The following SATL1 variants were observed in gnomAD, a reference collection of about 807,000 sequenced individuals.
SATL1 encodes the protein spermidine/spermine N(1)-acetyltransferase-like protein 1.
SATL1 carries 47 observed loss-of-function variants against 51.8 expected under a neutral mutation model. The observed-to-expected ratio is 0.91, with a 90% confidence interval of 0.72 to 1.16. SATL1 has a LOEUF of 1.16. SATL1 is among the 50% of genes most tolerant of loss of function. SATL1 has a pLI of 0.00. For synonymous variants in SATL1, 176 were observed against 182.4 expected, an observed-to-expected ratio of 0.97 and a Z score of 0.28; for missense variants, 520 against 526.4, an observed-to-expected ratio of 0.99 and a Z score of 0.12.
intron 2 of SATL1, among the ~76,000 whole-genome samples, chrX:85,191,028 T>A (rs988949096): frequency 9.4e-6 from 1 of 106,641 alleles, no homozygotes; most frequent in Admixed American, 1.0e-4. Flanking sequence ...AAATGATGAG[T>A]TAACGGGTGC....
intron 2 of SATL1, among the ~76,000 whole-genome samples, chrX:85,164,681 C>G (rs1926792333): frequency 1.9e-5 from 2 of 107,881 alleles, no homozygotes; most frequent in Admixed American, 2.0e-4. Flanking sequence ...TTTCCTTAAT[C>G]TTGACTTTAG....
rs751513209 is a variant in SATL1, at chrX:85,236,242, C to A, written c.-435+7346G>T. 4.5e-5 allele frequency among the ~76,000 whole-genome samples: 5 copies of A among 111,111 alleles called. No homozygotes were observed. The East Asian group carries it at 1.1e-3, about 25-fold the overall frequency. The stretch of plus-strand genomic sequence containing the variant: ...GGGACCCTATGGCTTCACTGCTGAA[C>A]TTTACCAAACATTTAAAGAATTAAT... On this transcript the variant is annotated intron_variant, in intron 1 of 7. Coordinates refer to ENST00000644105, the MANE Select transcript of SATL1 (RefSeq NM_001367857.2).
intron 2 of SATL1, among the ~76,000 whole-genome samples, chrX:85,195,340 G>T (rs1927533995): frequency 9.0e-6 from 1 of 111,178 alleles, no homozygotes; most frequent in African/African-American, 3.3e-5. Context: ...AAGAGAGTGA[G>T]TGGTAAAAAA....
intron 2 of SATL1, among the ~76,000 whole-genome samples, chrX:85,118,833 A>G (rs575203074): frequency 1.8e-5 from 2 of 111,415 alleles, no homozygotes; most frequent in African/African-American, 6.5e-5. Flanking sequence ...CCATTTCACA[A>G]TGGATACATA....
intron 2 of SATL1, among the ~76,000 whole-genome samples, chrX:85,183,158 T>C (rs757204482): frequency 1.8e-5 from 2 of 111,604 alleles, no homozygotes; most frequent in African/African-American, 3.3e-5. Flanking sequence ...CCCAGATCAA[T>C]GTCTTGAAGG....
chrX:85,116,300 T>G (rs746494514), intron 2 of SATL1: 1 of 111,947 alleles, frequency 8.9e-6, no homozygotes, highest in African/African-American at 3.2e-5. Context: ...ATTAAAAAGC[T>G]TTAGCACAGG....
Position 85,178,999 on chromosome X carries a change from A to G in SATL1, c.-313+45206T>C, listed in dbSNP as rs1461478014. Among the ~76,000 whole-genome samples the G allele has an allele frequency of 4.5e-5, 5 of 112,160 alleles. No individual in the cohort carries two copies. The East Asian group carries it at 1.4e-3, about 31-fold the overall frequency. On this transcript the variant is annotated intron_variant, in intron 2 of 7. Coordinates refer to ENST00000644105, the MANE Select transcript of SATL1 (RefSeq NM_001367857.2). The stretch of plus-strand genomic sequence containing the variant: ...TGATTAACTCTTGACCAATGATTTC[A>G]AATGGAACTTTCCGTGATGATGTAA...
At chrX:85,135,458 A>G (rs1385057314) in intron 2 of SATL1, among the ~76,000 whole-genome samples, 1 of 111,117 alleles carries the variant, frequency 9.0e-6, no homozygotes, top group Non-Finnish European at 1.9e-5. Context: ...AAAAATCAAT[A>G]CTTGATTCAC....
chrX:85,154,812 G>A (rs1926546816), intron 2 of SATL1, among the ~76,000 whole-genome samples: 1 of 112,352 alleles, frequency 8.9e-6, no homozygotes, highest in Admixed American at 9.4e-5. Flanking sequence ...CACTGTCTCT[G>A]AATGAGAGGT....
chrX:85,191,113 T>TATAATA (rs200953292), intron 2 of SATL1, among the ~76,000 whole-genome samples: 2 of 108,824 alleles, frequency 1.8e-5, no homozygotes, highest in Non-Finnish European at 3.8e-5. Flanking sequence ...GAACTTAAAG[T>TATAATA]ATAATAATAA....
chrX:85,093,315 G>T (rs1924585867), intron 6 of SATL1, 90 bp from the exon 7 acceptor site: 1 of 894,519 alleles, frequency 1.1e-6, no homozygotes. Context: ...CTAAAACTCT[G>T]TATCTGTTTT....
At chrX:85,178,049 A>G (rs184867530) in intron 2 of SATL1, among the ~76,000 whole-genome samples, 94 of 111,713 alleles carry the variant, frequency 8.4e-4, no homozygotes, top group Non-Finnish European at 1.5e-3. Context: ...AGCATATCAT[A>G]TTTTAGATTT....
chrX:85,115,884 A>T (rs984168785), intron 2 of SATL1, among the ~76,000 whole-genome samples: 3 of 103,600 alleles, frequency 2.9e-5, no homozygotes, highest in Non-Finnish European at 5.9e-5. Flanking sequence ...GGACCCCAGG[A>T]TCCTTCCCAC....
At chrX:85,148,304 A>G (rs1378378921) in intron 2 of SATL1, among the ~76,000 whole-genome samples, 3 of 110,665 alleles carry the variant, frequency 2.7e-5, no homozygotes, top group African/African-American at 6.6e-5. Flanking sequence ...TCCAGGAAAT[A>G]TGGGACTATG....
At chrX:85,206,814 C>T (rs934519596) in intron 2 of SATL1, among the ~76,000 whole-genome samples, 4 of 110,968 alleles carry the variant, frequency 3.6e-5, no homozygotes, top group African/African-American at 6.5e-5. Context: ...TAGGACAAAA[C>T]GGAAATTATT....
intron 2 of SATL1, among the ~76,000 whole-genome samples, chrX:85,124,942 A>G (rs1925585782): frequency 9.1e-6 from 1 of 109,870 alleles, no homozygotes. Flanking sequence ...TTTATACCTC[A>G]GGAGTAATAT....
At chrX:85,168,792 A>G (rs889057115) in intron 2 of SATL1, among the ~76,000 whole-genome samples, 2 of 112,039 alleles carry the variant, frequency 1.8e-5, no homozygotes, top group African/African-American at 6.5e-5. Flanking sequence ...CAAATGGAAC[A>G]AAAAATGAGC....
In SATL1 at chrX:85,243,758, C is replaced by G. The variant is rs926567327; in HGVS notation, c.-605G>C. The G allele has an allele frequency of 1.2e-4, 13 of 110,033 alleles. No homozygotes were observed. The highest frequency in any genetic ancestry group is 1.9e-4 in the Non-Finnish European group (10 of 52,592). The allele number at this position is 110,033 out of a possible 1,213,427, so 9.1% of individuals were successfully genotyped here. A position where few individuals can be genotyped will look rare whatever the true frequency, so the allele number is the denominator to read the frequency against. ...AACAGAAAATCTTCCCACAGAAACTCCTCAGGGGCGCGCCGAGATCTGGGC... is the reference window on the plus strand; with the variant it reads ...AACAGAAAATCTTCCCACAGAAACTGCTCAGGGGCGCGCCGAGATCTGGGC... On this transcript the variant is annotated 5_prime_UTR_variant, in exon 1 of 8. Transcript: ENST00000644105.
intron 7 of SATL1, chrX:85,092,943 T>C: frequency 3.0e-6 from 1 of 334,810 alleles, no homozygotes; most frequent in Non-Finnish European, 5.2e-6. Context: ...TTACTTTCCC[T>C]TGATAGCAAA....
Sources: allele counts gnomAD v4.1 joint callset (sites outside exome capture counted in the v4.1 genomes callset), GRCh38; gene constraint gnomAD v4.1.1; transcripts MANE v1.5; gene names NCBI Gene and HGNC (gene_info 2026-07-23, HGNC 2026-07-21).